TENM3: variants seen among roughly 807,000 people sequenced by gnomAD.
TENM3 encodes teneurin transmembrane protein 3.
In TENM3, 63 loss-of-function variants were observed where a neutral mutation model predicts 255.1. The observed-to-expected ratio is 0.25, with a 90% CI of 0.20 to 0.30. The LOEUF is 0.30. Ranked by LOEUF, TENM3 falls within the 10% of genes least tolerant of loss-of-function variation. TENM3 has a pLI of 1.00. For synonymous variants in TENM3, 1,306 were observed against 1,322.3 expected (o/e 0.99, Z 0.27); for missense variants, 2,929 against 3,461.1 (o/e 0.85, Z 3.86).
At position 182,301,447 on chromosome 4, in the gene TENM3, G is replaced by A. The variant is rs146149906; in HGVS notation, c.-75-22499G>A. Among the ~76,000 whole-genome samples, 991 of 152,248 alleles carry A rather than the reference G, an allele frequency of 6.5e-3. 13 individuals carry two copies. The highest frequency in any genetic ancestry group is 0.014 in the Middle Eastern group (4 of 294). ...ACAAGGTACGGTTTTGACAGGTAGC[G>A]TGATGAGATTTAGAACAGAGGCTGA... On this transcript the variant is annotated intron_variant, in intron 1 of 27. Transcript: ENST00000511685.
At chr4:182,761,766 A>C (rs1209016941) in intron 22 of TENM3, among the ~76,000 whole-genome samples, 1 of 152,224 alleles carries the variant, frequency 6.6e-6, no homozygotes, top group East Asian at 1.9e-4. Context: ...AATCATGGGA[A>C]AATTCTATTT....
At chr4:182,713,861 T>A (rs1758942382) in intron 12 of TENM3, among the ~76,000 whole-genome samples, 2 of 152,200 alleles carry the variant, frequency 1.3e-5, no homozygotes, top group Non-Finnish European at 2.9e-5. Context: ...TGCATATATT[T>A]CTGTCCTGCA....
the TENM3 span, among the ~76,000 whole-genome samples, chr4:181,876,173 T>C: frequency 1.1e-4 from 16 of 152,356 alleles, no homozygotes; most frequent in African/African-American, 3.8e-4. Context: ...TATCCAGTTA[T>C]TTTTCAATGA....
At chr4:181,463,060 C>T in the TENM3 span, among the ~76,000 whole-genome samples, 1 of 152,220 alleles carries the variant, frequency 6.6e-6, no homozygotes, top group East Asian at 1.9e-4. Context: ...GGTAACGTGA[C>T]ATAATTCATT....
chr4:182,043,816 T>C, the TENM3 span, among the ~76,000 whole-genome samples: 218 of 152,300 alleles, frequency 1.4e-3, no homozygotes, highest in African/African-American at 5.1e-3. Context: ...CCGAAGCCCA[T>C]TGGCGATGAG....
chr4:182,213,113 A>T (rs779006297), intron 1 of TENM3, among the ~76,000 whole-genome samples: 1 of 152,214 alleles, frequency 6.6e-6, no homozygotes, highest in East Asian at 1.9e-4. Context: ...TTACTTCAGG[A>T]AAACCAGATC....
chr4:182,727,455 C>CAAAAAAAAA (rs10522655), intron 13 of TENM3, among the ~76,000 whole-genome samples: 96,565 of 119,410 alleles, frequency 0.81, 38,554 homozygotes, highest in Middle Eastern at 0.89. Context: ...GACTCAGTCT[C>CAAAAAAAAA]AAAAAAAAAG....
At chr4:181,677,122 G>C in the TENM3 span, among the ~76,000 whole-genome samples, 1 of 150,710 alleles carries the variant, frequency 6.6e-6, no homozygotes, top group East Asian at 2.0e-4. Flanking sequence ...GTTTCCCATA[G>C]AGAATTCTCC....
At chr4:182,497,091 G>A (rs1182098627) in intron 3 of TENM3, among the ~76,000 whole-genome samples, 3 of 149,306 alleles carry the variant, frequency 2.0e-5, no homozygotes, top group African/African-American at 7.4e-5. Context: ...GTCTTGCTCT[G>A]TCGCCAGGCT....
chr4:181,805,613 G>GT, the TENM3 span, among the ~76,000 whole-genome samples: 179 of 120,814 alleles, frequency 1.5e-3, 1 homozygote, highest in African/African-American at 3.5e-3. Flanking sequence ...GTGTGTGTGT[G>GT]GTGTGTGTGT....
the TENM3 span, among the ~76,000 whole-genome samples, chr4:181,599,249 T>C: frequency 2.6e-5 from 4 of 152,206 alleles, no homozygotes; most frequent in African/African-American, 9.6e-5. Flanking sequence ...TGAATAAGTG[T>C]ACCATTATTC....
At chr4:182,040,815 T>G in the TENM3 span, among the ~76,000 whole-genome samples, 1 of 152,214 alleles carries the variant, frequency 6.6e-6, no homozygotes, top group Admixed American at 6.5e-5. Flanking sequence ...TTTTTGTTGT[T>G]GTTGTTGTTT....
the TENM3 span, among the ~76,000 whole-genome samples, chr4:181,948,104 G>A: frequency 1.3e-5 from 2 of 152,170 alleles, no homozygotes; most frequent in South Asian, 4.1e-4. Context: ...TTTGGTAACT[G>A]AAGTTTGAAA....
chr4:182,590,959 C>A (rs932364983), intron 3 of TENM3, among the ~76,000 whole-genome samples: 1 of 152,092 alleles, frequency 6.6e-6, no homozygotes, highest in African/African-American at 2.4e-5. Flanking sequence ...TTTCTCTTCC[C>A]TCTGCTTTTG....
chr4:182,553,592 C>G (rs1212732930), intron 3 of TENM3, among the ~76,000 whole-genome samples: 1 of 151,156 alleles, frequency 6.6e-6, no homozygotes, highest in Non-Finnish European at 1.5e-5. Flanking sequence ...AACTTAAGAG[C>G]ATAATGAAAG....
the TENM3 span, among the ~76,000 whole-genome samples, chr4:181,616,403 C>A: frequency 6.9e-6 from 1 of 144,030 alleles, no homozygotes; most frequent in African/African-American, 2.6e-5. Context: ...ATATATATAC[C>A]CCTATATATA....
chr4:181,646,354 A>G, the TENM3 span, among the ~76,000 whole-genome samples: 1 of 152,206 alleles, frequency 6.6e-6, no homozygotes, highest in African/African-American at 2.4e-5. Context: ...AGGATCTAGG[A>G]ATCTAGAGAA....
At chr4:181,576,558 C>T in the TENM3 span, among the ~76,000 whole-genome samples, 13 of 152,190 alleles carry the variant, frequency 8.5e-5, no homozygotes, top group Non-Finnish European at 1.3e-4. Flanking sequence ...GAAGGAAGGA[C>T]GCAGAGAAAA....
rs1420501798 is a variant in TENM3, at chr4:182,754,061, C to A, written c.4018-324C>A. ...CTATTCATAACCTAGAAAGCCCCAA[C>A]ATTTGGTGGTTATTGCTGCCATAAG... is the stretch of plus-strand genomic sequence containing the variant. On this transcript the variant is annotated intron_variant, in intron 21 of 27. Coordinates refer to ENST00000511685, the MANE Select transcript of TENM3 (RefSeq NM_001080477.4). This position sits in a 1 kb window ranked among gnomAD's most constrained non-coding sequence, Gnocchi z 5.1. Among the ~76,000 whole-genome samples the A allele has an allele frequency of 6.6e-6, 1 of 152,186 alleles. No homozygotes were observed. Among genetic ancestry groups the A allele is most frequent in the African/African-American group, 2.4e-5 (1 of 41,450 alleles).
Sources: gnomAD v4.1 joint callset for allele counts (sites outside exome capture counted in the v4.1 genomes callset) on GRCh38, gnomAD v4.1.1 for gene constraint, Gnocchi (gnomAD v3.1) non-coding constraint, MANE v1.5 for transcripts, NCBI Gene and HGNC (gene_info 2026-07-23, HGNC 2026-07-21) for gene names.